ZBTB16: variants seen among roughly 807,000 people sequenced by gnomAD.
ZBTB16 encodes the protein zinc finger and BTB domain-containing protein 16.
In ZBTB16, 8 loss-of-function variants were observed where a neutral mutation model predicts 56.8. That is an observed-to-expected ratio of 0.14 (90% CI 0.08 to 0.25). ZBTB16 has a LOEUF of 0.25. ZBTB16 is among the 10% of genes least tolerant of loss of function. The pLI is 1.00. For missense variants in ZBTB16, 625 were observed against 903.0 expected (o/e 0.69, Z 3.95); for synonymous variants, 363 against 368.5 (o/e 0.98, Z 0.17).
At chr11:114,121,748 A>G in intron 2 of ZBTB16, 1 of 451,246 alleles carries the variant, frequency 2.2e-6, no homozygotes, top group Non-Finnish European at 4.5e-6. Context: ...ATCCTTGCCC[A>G]GTATATTATA....
intron 5 of ZBTB16, chr11:114,246,708 G>A (rs1944823884): frequency 5.8e-6 from 1 of 172,248 alleles, no homozygotes; most frequent in African/African-American, 2.4e-5. Flanking sequence ...TCGAGCAGAG[G>A]AAACAGCTAT....
chr11:114,236,482 A>G (rs1944592604), intron 4 of ZBTB16, among the ~76,000 whole-genome samples: 1 of 152,138 alleles, frequency 6.6e-6, no homozygotes, highest in South Asian at 2.1e-4. Context: ...GAGCTCAGAC[A>G]TGGAGTGACA....
At chr11:114,148,449 G>T (rs193131793) in intron 2 of ZBTB16, among the ~76,000 whole-genome samples, 14,315 of 51,214 alleles carry the variant, frequency 0.28, 4,506 homozygotes, top group Middle Eastern at 0.45. Context: ...CTCTCTCTCT[G>T]TCTGTCTGTC....
At chr11:114,198,554 C>G (rs371147427) in intron 4 of ZBTB16, among the ~76,000 whole-genome samples, 1 of 152,100 alleles carries the variant, frequency 6.6e-6, no homozygotes, top group African/African-American at 2.4e-5. Context: ...TCTGGAGGGG[C>G]CCCCGATACT....
intron 2 of ZBTB16, among the ~76,000 whole-genome samples, chr11:114,066,545 G>A (rs536627419): frequency 6.6e-6 from 1 of 152,184 alleles, no homozygotes; most frequent in African/African-American, 2.4e-5. Context: ...CTCTCATCAG[G>A]TCCTGGTTCC....
chr11:114,239,003 G>A (rs948158763), intron 4 of ZBTB16, among the ~76,000 whole-genome samples: 8 of 152,180 alleles, frequency 5.3e-5, no homozygotes, highest in African/African-American at 1.9e-4. Flanking sequence ...GCCTTAGCCT[G>A]CCCCTGGTCA....
intron 3 of ZBTB16, among the ~76,000 whole-genome samples, chr11:114,185,945 A>G (rs1342958944): frequency 2.0e-5 from 3 of 152,218 alleles, no homozygotes; most frequent in Admixed American, 1.3e-4. Flanking sequence ...ACAAATATGT[A>G]TAGTAATAGG....
chr11:114,200,273 A>G (rs950485512), intron 4 of ZBTB16, among the ~76,000 whole-genome samples: 1 of 152,214 alleles, frequency 6.6e-6, no homozygotes, highest in Admixed American at 6.5e-5. Context: ...ACCAGTAGAC[A>G]AGAATTCCTC....
At chr11:114,180,378 G>A (rs1358128592) in intron 3 of ZBTB16, among the ~76,000 whole-genome samples, 1 of 152,224 alleles carries the variant, frequency 6.6e-6, no homozygotes, top group African/African-American at 2.4e-5. Flanking sequence ...GTAGGGAGTA[G>A]TCACTCGGCA....
intron 3 of ZBTB16, among the ~76,000 whole-genome samples, chr11:114,167,423 CT>C (rs11291386): frequency 0.9 from 114,292 of 127,048 alleles, 52,182 homozygotes; most frequent in East Asian, 1. Flanking sequence ...CTACCCCTTG[CT>C]TTTTTTTTTT....
intron 3 of ZBTB16, among the ~76,000 whole-genome samples, chr11:114,164,758 C>A (rs1942695542): frequency 6.6e-6 from 1 of 152,120 alleles, no homozygotes; most frequent in South Asian, 2.1e-4. Context: ...GCCTGAGGGG[C>A]CCCACCCTGC....
chr11:114,118,145 G>A (rs185064353), intron 2 of ZBTB16, among the ~76,000 whole-genome samples: 33 of 152,212 alleles, frequency 2.2e-4, no homozygotes, highest in African/African-American at 6.3e-4. Flanking sequence ...AAATCCACAG[G>A]GTCTAGAGAA....
At chr11:114,142,694 C>T (rs1410434603) in intron 2 of ZBTB16, among the ~76,000 whole-genome samples, 3 of 151,920 alleles carry the variant, frequency 2.0e-5, no homozygotes, top group Non-Finnish European at 4.4e-5. Flanking sequence ...GTCCAAAATC[C>T]ATGCATCTTG....
At position 114,143,796 on chromosome 11, in the gene ZBTB16, C is replaced by T. The variant is rs924507834; in HGVS notation, c.1269-12541C>T. Among the ~76,000 whole-genome samples, 12 of 152,184 alleles carry T rather than the reference C, an allele frequency of 7.9e-5. No individual in the cohort carries two copies. In the East Asian group the frequency reaches 1.5e-3, roughly 20 times the overall value. ...TGCAGTCAGAGTCAAGGTTAAGAATCGATCTCTTCATTCTGTTTCAAGATT... is the reference window on the plus strand; with the variant it reads ...TGCAGTCAGAGTCAAGGTTAAGAATTGATCTCTTCATTCTGTTTCAAGATT... On this transcript the variant is annotated intron_variant, in intron 2 of 6. Coordinates refer to ENST00000335953, the MANE Select transcript of ZBTB16 (RefSeq NM_006006.6). This position sits in a 1 kb window ranked among gnomAD's most constrained non-coding sequence, Gnocchi z 6.4.
At chr11:114,078,461 G>A (rs981345081) in intron 2 of ZBTB16, among the ~76,000 whole-genome samples, 1 of 152,184 alleles carries the variant, frequency 6.6e-6, no homozygotes, top group African/African-American at 2.4e-5. Context: ...GAAAACTTCT[G>A]ACCTCATCAC....
intron 2 of ZBTB16, among the ~76,000 whole-genome samples, chr11:114,126,557 T>G (rs1473825956): frequency 6.6e-6 from 1 of 152,128 alleles, no homozygotes; most frequent in East Asian, 1.9e-4. Context: ...GGAAGCTGAG[T>G]ATTGTTGTTG....
intron 4 of ZBTB16, among the ~76,000 whole-genome samples, chr11:114,216,362 C>T (rs1944094173): frequency 6.6e-6 from 1 of 152,220 alleles, no homozygotes; most frequent in Non-Finnish European, 1.5e-5. Flanking sequence ...CTCAGACTGG[C>T]TGGTGGGCCA....
chr11:114,196,336 A>G (rs76761091), intron 4 of ZBTB16, among the ~76,000 whole-genome samples: 21,887 of 152,204 alleles, frequency 0.14, 1,882 homozygotes, highest in East Asian at 0.22. Flanking sequence ...GGTATTCCCT[A>G]TCTCTTGACT....
In ZBTB16 at chr11:114,254,178, T is replaced by TATAG. The variant is rs34762933; in HGVS notation, c.*3627_*3630dup. Among the ~76,000 whole-genome samples the TATAG allele has an allele frequency of 0.052, 7,962 of 151,662 alleles. 258 individuals carry two copies. The highest frequency in any genetic ancestry group is 0.074 in the Non-Finnish European group (5,031 of 67,916). On this transcript the variant is annotated 3_prime_UTR_variant, in exon 7 of 7. Coordinates refer to ENST00000335953, the MANE Select transcript of ZBTB16 (RefSeq NM_006006.6). ...TATAGGATAGACAAATATATAGATA[T>TATAG]ATAGATATATATATATATAGCAAGA...
Sources: allele counts gnomAD v4.1 joint callset (sites outside exome capture counted in the v4.1 genomes callset), GRCh38; gene constraint gnomAD v4.1.1; non-coding constraint Gnocchi (gnomAD v3.1); transcripts MANE v1.5; gene names NCBI Gene and HGNC (gene_info 2026-07-23, HGNC 2026-07-21).